Variants in CRHR2 observed in about 807,000 individuals in gnomAD.
CRHR2 encodes corticotropin releasing hormone receptor 2.
A neutral mutation model predicts 57.9 loss-of-function variants in CRHR2; 53 were observed. That is an observed-to-expected ratio of 0.92 (90% confidence interval 0.73 to 1.15). The LOEUF (loss-of-function observed/expected upper bound fraction) is 1.15, where lower values mean the gene tolerates loss of function less well. CRHR2 is among the 50% of genes most tolerant of loss of function. The probability of loss-of-function intolerance (pLI) is 0.00; values close to 1 mark genes in which losing one functional copy is unlikely to be tolerated. For missense variants in CRHR2, 532 were observed against 542.6 expected, an observed-to-expected ratio of 0.98 and a Z score of 0.19; for synonymous variants, 213 against 220.9, an observed-to-expected ratio of 0.96 and a Z score of 0.32.
intron 2 of CRHR2, among the ~76,000 whole-genome samples, chr7:30,680,685 G>A (rs1784669619): frequency 6.6e-6 from 1 of 152,166 alleles, no homozygotes; most frequent in South Asian, 2.1e-4. Context: ...TGGGAAGCAT[G>A]TGCTCCCTGG....
chr7:30,689,485 C>T (rs1784917893), intron 1 of CRHR2, among the ~76,000 whole-genome samples: 1 of 152,164 alleles, frequency 6.6e-6, no homozygotes. Flanking sequence ...CAGAAGTGGC[C>T]CAATGCAGTG....
Position 30,665,616 on chromosome 7 carries a change from G to C in CRHR2, c.339C>G (p.Tyr113Ter), listed in dbSNP as rs777325173. ...DDKQRKYDLH[Y>*]RIALVVNYLG... ...GGTAGTTGACGACAAGGGCGATGCG[G>C]TAGTGCAGGTCATACTTCCTCTGCT... Residue 113 changes from tyrosine (Y) to a stop codon, truncating the protein, a stop_gained, in exon 4 of 12, where the codon TAC becomes TAG. Transcript: ENST00000471646. LOFTEE classifies it high-confidence loss of function. The surrounding 1 kb of genome is among the most constrained non-coding windows in gnomAD (Gnocchi z 4.5). 6.4e-7 allele frequency: 1 copy of C among 1,559,386 alleles called. No homozygotes were observed. The highest frequency in any genetic ancestry group is 8.7e-7 in the Non-Finnish European group (1 of 1,150,816).
intron 1 of CRHR2, among the ~76,000 whole-genome samples, chr7:30,695,202 C>T (rs889363172): frequency 3.3e-5 from 5 of 151,912 alleles, no homozygotes; most frequent in Non-Finnish European, 5.9e-5. Flanking sequence ...GGAAGTGGGT[C>T]ATTGTTTTCT....
In CRHR2 at chr7:30,671,802, GTGATGATGA is replaced by G. The variant is rs10577644; in HGVS notation, c.230-4498_230-4490del. ...AGCCTGGGTGACAGAGTGAGACCCTGTGATGATGATGATGATGATGATGATGATGATGAT... is the reference window on the plus strand; with the variant it reads ...AGCCTGGGTGACAGAGTGAGACCCTGTGATGATGATGATGATGATGATGAT... On this transcript the variant is annotated intron_variant, in intron 2 of 11. Transcript: ENST00000471646. Among the ~76,000 whole-genome samples the G allele has an allele frequency of 2.9e-3, 411 of 143,964 alleles. 5 individuals are homozygous for G. Among genetic ancestry groups the G allele is most frequent in the African/African-American group, 7.1e-3 (267 of 37,488 alleles). 94.4% of individuals were successfully genotyped at this position (143,964 alleles called of 152,430 possible).
intron 2 of CRHR2, among the ~76,000 whole-genome samples, chr7:30,671,867 AGG>A (rs1404472697): frequency 3.6e-5 from 5 of 138,564 alleles, no homozygotes; most frequent in African/African-American, 1.7e-4. Context: ...TAGAAGAAGA[AGG>A]AGGATGAAGA....
chr7:30,680,681 G>A (rs1003179194), intron 2 of CRHR2, among the ~76,000 whole-genome samples: 1 of 152,144 alleles, frequency 6.6e-6, no homozygotes, highest in Non-Finnish European at 1.5e-5. Context: ...TGGATGGGAA[G>A]CATGTGCTCC....
At chr7:30,674,311 C>G (rs1784449484) in intron 2 of CRHR2, among the ~76,000 whole-genome samples, 1 of 152,224 alleles carries the variant, frequency 6.6e-6, no homozygotes, top group African/African-American at 2.4e-5. Flanking sequence ...GCTCCCGCCT[C>G]TACTGTACAG....
At chr7:30,678,148 C>T (rs370944614) in intron 2 of CRHR2, among the ~76,000 whole-genome samples, 25 of 152,270 alleles carry the variant, frequency 1.6e-4, no homozygotes, top group African/African-American at 5.3e-4. Flanking sequence ...GTTCTCTAGC[C>T]CACTCAGTGA....
intron 2 of CRHR2, among the ~76,000 whole-genome samples, chr7:30,674,037 C>A (rs138525138): frequency 1.3e-5 from 2 of 152,178 alleles, no homozygotes; most frequent in African/African-American, 4.8e-5. Flanking sequence ...GCTCTCTGAG[C>A]CTCGACTGCC....
Position 30,665,045 on chromosome 7 carries a change from GC to G in CRHR2, c.543+24del. On this transcript the variant is annotated intron_variant, in intron 5 of 11. Coordinates refer to ENST00000471646, the MANE Select transcript of CRHR2 (RefSeq NM_001883.5). The surrounding 1 kb of genome is among the most constrained non-coding windows in gnomAD (Gnocchi z 4.5). ...CGGAGCCCAGAGCCCCCCAGGTATAGCCCCGAGTCTCCCCGAGCAATGACCT... is the reference window on the plus strand; with the variant it reads ...CGGAGCCCAGAGCCCCCCAGGTATAGCCCGAGTCTCCCCGAGCAATGACCT... 1.3e-6 allele frequency: 2 copies of G among 1,597,392 alleles called. No homozygotes were observed. The highest frequency in any genetic ancestry group is 1.7e-6 in the Non-Finnish European group (2 of 1,164,962).
chr7:30,653,692 G>A lies in CRHR2; in HGVS notation c.1096-92C>T, dbSNP rs1165840803. 4.2e-6 allele frequency: 6 copies of A among 1,430,272 alleles called. No homozygotes were observed. The highest frequency in any genetic ancestry group is 1.4e-5 in the African/African-American group (1 of 70,272). 88.6% of individuals were successfully genotyped at this position (1,430,272 alleles called of 1,614,324 possible). ...CCTCTGCTTTCTGCTCTCATGGGTC[G>A]ACTGCCACCCTCATGACAAGGAACT... On this transcript the variant is annotated intron_variant, in intron 11 of 11. Transcript: ENST00000471646. The surrounding 1 kb of genome is among the most constrained non-coding windows in gnomAD (Gnocchi z 5.0).
At chr7:30,686,367 G>A (rs1310061792), upstream of CRHR2, 1 of 1,519,726 alleles carries the variant, frequency 6.6e-7, no homozygotes, top group African/African-American at 1.4e-5. Context: ...AGCCCAGTGA[G>A]TCACTAAGAA....
intron 8 of CRHR2, among the ~76,000 whole-genome samples, chr7:30,659,948 C>CT (rs1346582866): frequency 2.0e-5 from 3 of 152,074 alleles, no homozygotes; most frequent in South Asian, 4.2e-4. Flanking sequence ...ATCTCTCTCT[C>CT]TTTTTTTTAA....
At chr7:30,687,313 G>A (rs763954018), upstream of CRHR2, among the ~76,000 whole-genome samples, 2 of 152,072 alleles carry the variant, frequency 1.3e-5, no homozygotes, top group Non-Finnish European at 2.9e-5. Context: ...CATCCCCAGA[G>A]TGGCTGCTAG....
chr7:30,681,527 C>T (rs947268907), intron 2 of CRHR2, among the ~76,000 whole-genome samples: 4 of 152,218 alleles, frequency 2.6e-5, no homozygotes, highest in African/African-American at 7.2e-5. Context: ...TATCCGCCCT[C>T]CTGGGATAGG....
chr7:30,677,995 A>G (rs1388076989), intron 2 of CRHR2, among the ~76,000 whole-genome samples: 2 of 152,222 alleles, frequency 1.3e-5, no homozygotes, highest in African/African-American at 4.8e-5. Flanking sequence ...GCTTGGGCAC[A>G]GGAGTTTGAG....
chr7:30,674,415 A>T (rs1784453263), intron 2 of CRHR2, among the ~76,000 whole-genome samples: 1 of 152,234 alleles, frequency 6.6e-6, no homozygotes, highest in East Asian at 1.9e-4. Context: ...CCAACACAGG[A>T]CCCCTGTGGC....
intron 2 of CRHR2, among the ~76,000 whole-genome samples, chr7:30,671,635 C>CA (rs11305836): frequency 1.6e-3 from 163 of 104,882 alleles, no homozygotes; most frequent in South Asian, 5.6e-3. Flanking sequence ...CCCCATCTCT[C>CA]AAAAAAAAAA....
intron 1 of CRHR2, among the ~76,000 whole-genome samples, chr7:30,691,662 A>G (rs1784962732): frequency 6.6e-6 from 1 of 152,238 alleles, no homozygotes; most frequent in South Asian, 2.1e-4. Context: ...GTACAGGCAT[A>G]TCAGAAGTAA....
Sources: gnomAD v4.1 joint callset for allele counts (sites outside exome capture counted in the v4.1 genomes callset) on GRCh38, gnomAD v4.1.1 for gene constraint, Gnocchi (gnomAD v3.1) non-coding constraint, MANE v1.5 for transcripts, NCBI Gene and HGNC (gene_info 2026-07-23, HGNC 2026-07-21) for gene names.